The following NIN variants were observed in gnomAD, a reference collection of about 807,000 sequenced individuals.
The protein encoded by NIN is glycogen synthase kinase 3 beta-interacting protein.
A neutral mutation model predicts 257.6 loss-of-function variants in NIN; 137 were observed. The observed-to-expected ratio is 0.53, with a 90% CI of 0.46 to 0.61. The LOEUF (loss-of-function observed/expected upper bound fraction) is 0.61. Ranked by LOEUF, NIN falls within the 20% of genes least tolerant of loss-of-function variation. The pLI is 0.00. For missense variants in NIN, 2,439 were observed against 2,501.2 expected (o/e 0.98, Z 0.53); for synonymous variants, 918 against 919.8 (o/e 1.00, Z 0.04).
chr14:50,798,485 A>G (rs755872615), intron 4 of NIN, among the ~76,000 whole-genome samples: 6 of 152,216 alleles, frequency 3.9e-5, no homozygotes, highest in Admixed American at 1.3e-4. Flanking sequence ...GGATGGTCTA[A>G]GTCCTAATGC....
chr14:50,828,111 A>G (rs1370440490), intron 2 of NIN, among the ~76,000 whole-genome samples: 4 of 152,110 alleles, frequency 2.6e-5, no homozygotes, highest in South Asian at 2.1e-4. Flanking sequence ...ACAAAAAAAA[A>G]AAAAAAGGAG....
At chr14:50,767,030 C>A in intron 12 of NIN, 140 bp from the exon 13 acceptor site, 1 of 610,328 alleles carries the variant, frequency 1.6e-6, no homozygotes, top group Non-Finnish European at 2.9e-6. Context: ...CTACAGGAGG[C>A]AAAAGTAAAT....
At chr14:50,826,508 GT>G (rs1243121589) in intron 2 of NIN, among the ~76,000 whole-genome samples, 2 of 152,194 alleles carry the variant, frequency 1.3e-5, no homozygotes, top group Non-Finnish European at 2.9e-5. Flanking sequence ...TGACAGTGGT[GT>G]TCATTACCCC....
At position 50,772,360 on chromosome 14, in the gene NIN, C is replaced by G. The variant is rs757049044; in HGVS notation, c.922G>C (p.Glu308Gln). The change falls in exon 9 of 31, where the codon GAG becomes CAG. Residue 308 changes from glutamate (E) to glutamine (Q), a missense_variant. Around this residue, in one of 3 missense-constraint regions of NIN, gnomAD observed 387 missense variants for 427.3 expected, o/e 0.91. Coordinates refer to ENST00000530997, the MANE Select transcript of NIN (RefSeq NM_020921.4). ...LDDGMGHASV[E>Q]RILDTWQEEG... is the part of the protein sequence containing the mutation. ...TCCTGCCAGGTGTCCAGTATTCTCT[C>G]CACAGATGCATGGCCCATCCCATCA... 3 of 1,614,038 alleles carry G rather than the reference C, an allele frequency of 1.9e-6. No homozygotes were observed. Among genetic ancestry groups the G allele is most frequent in the Non-Finnish European group, 2.5e-6 (3 of 1,179,920 alleles).
intron 24 of NIN, among the ~76,000 whole-genome samples, chr14:50,742,892 A>G (rs918196024): frequency 3.9e-5 from 6 of 152,200 alleles, no homozygotes; most frequent in Non-Finnish European, 8.8e-5. Context: ...TAATTAATAA[A>G]CTTTGATGGA....
intron 4 of NIN, among the ~76,000 whole-genome samples, chr14:50,797,175 A>G (rs2043876846): frequency 6.6e-6 from 1 of 152,234 alleles, no homozygotes; most frequent in African/African-American, 2.4e-5. Flanking sequence ...TGCCATAGGC[A>G]AAACATTACG....
intron 9 of NIN, 24 bp from the exon 10 acceptor site, chr14:50,771,492 A>G: frequency 6.2e-7 from 1 of 1,611,848 alleles, no homozygotes; most frequent in Non-Finnish European, 8.5e-7. Context: ...CAAGGCGTAA[A>G]TTCAAAAACA....
intron 22 of NIN, among the ~76,000 whole-genome samples, chr14:50,745,090 A>G (rs1239908974): frequency 1.3e-5 from 2 of 152,174 alleles, no homozygotes; most frequent in Non-Finnish European, 2.9e-5. Context: ...GTGCGAACAT[A>G]CTGGCTTTTC....
At chr14:50,755,015 G>A (rs41317320) in intron 18 of NIN, 148 bp from the exon 19 acceptor site, 12 of 505,852 alleles carry the variant, frequency 2.4e-5, no homozygotes, top group Admixed American at 1.4e-4. Flanking sequence ...TTTGGAAATC[G>A]AGTTATGACA....
intron 29 of NIN, among the ~76,000 whole-genome samples, chr14:50,728,817 G>A (rs1329543785): frequency 6.6e-6 from 1 of 152,222 alleles, no homozygotes; most frequent in Non-Finnish European, 1.5e-5. Context: ...GTGGTGGTGA[G>A]CTGGGATCAT....
At chr14:50,746,161 T>C (rs562520026) in intron 22 of NIN, among the ~76,000 whole-genome samples, 19 of 151,882 alleles carry the variant, frequency 1.3e-4, no homozygotes, top group Non-Finnish European at 2.7e-4. Flanking sequence ...ACATTTCCCA[T>C]ACTATGAATT....
At chr14:50,731,486 A>G (rs753133829) in intron 28 of NIN, among the ~76,000 whole-genome samples, 2 of 146,182 alleles carry the variant, frequency 1.4e-5, no homozygotes, top group South Asian at 2.2e-4. Flanking sequence ...AGCCAAGATC[A>G]CACCAATGCA....
chr14:50,751,230 G>C (rs903058112), intron 21 of NIN, among the ~76,000 whole-genome samples: 7 of 152,184 alleles, frequency 4.6e-5, no homozygotes, highest in Admixed American at 4.6e-4. Context: ...GCTGCAGTGA[G>C]TAACCCTCTG....
In NIN at chr14:50,761,510, T is replaced by C. The variant is rs144853576; in HGVS notation, c.1896+280A>G. ...GGCAATGAAACATCAAAGGGCTTTT[T>C]TTGGTTTCACTGAGATGTTTTTAAA... On this transcript the variant is annotated intron_variant, in intron 16 of 30. Transcript: ENST00000530997. Among the ~76,000 whole-genome samples, 27 of 152,296 alleles carry C rather than the reference T, an allele frequency of 1.8e-4. No homozygotes were observed. The East Asian group carries it at 4.4e-3, about 25-fold the overall frequency.
Position 50,754,763 on chromosome 14 carries a change from T to G in NIN, c.4643A>C (p.Asn1548Thr). ...SISNLKLGTL[N>T]GSQEEMWQKT... ...TTACCACATTTCTTCCTGAGATCCA[T>G]TTAATGTCCCTAATTTCAGGTTAGA... is the stretch of plus-strand genomic sequence containing the variant. Residue 1548 changes from asparagine to threonine, a missense_variant, in exon 19 of 31, where the codon AAT becomes ACT. By Grantham distance (65) the Asn-to-Thr change is moderately conservative. Around this residue, in one of 3 missense-constraint regions of NIN, gnomAD observed 2,043 missense variants for 2,050.2 expected, o/e 1.00. Coordinates refer to ENST00000530997, the MANE Select transcript of NIN (RefSeq NM_020921.4). 1 of 1,585,482 alleles carries G rather than the reference T, an allele frequency of 6.3e-7. No homozygotes were observed. Among genetic ancestry groups the G allele is most frequent in the African/African-American group, 1.3e-5 (1 of 74,178 alleles).
At chr14:50,764,865 A>G (rs1330532435) in intron 14 of NIN, among the ~76,000 whole-genome samples, 1 of 151,954 alleles carries the variant, frequency 6.6e-6, no homozygotes, top group Admixed American at 6.6e-5. Flanking sequence ...GGGTGATGAA[A>G]ATGTTCTAAA....
intron 7 of NIN, among the ~76,000 whole-genome samples, chr14:50,773,905 G>C (rs2042824864): frequency 6.6e-6 from 1 of 152,190 alleles, no homozygotes; most frequent in Non-Finnish European, 1.5e-5. Context: ...AAGGTGAATA[G>C]AGCAACGTGG....
At chr14:50,799,987 A>G (rs1419647999) in intron 4 of NIN, among the ~76,000 whole-genome samples, 1 of 147,656 alleles carries the variant, frequency 6.8e-6, no homozygotes, top group African/African-American at 2.5e-5. Context: ...AAAACAAAAA[A>G]CAAACAATAT....
At chr14:50,763,803 A>G (rs375569223) in intron 15 of NIN, 23 bp downstream of exon 15, 4 of 1,610,630 alleles carry the variant, frequency 2.5e-6, no homozygotes, top group Non-Finnish European at 3.4e-6. Flanking sequence ...GGCTTTATCT[A>G]CAGCCTGTCC....
Sources: allele counts gnomAD v4.1 joint callset (sites outside exome capture counted in the v4.1 genomes callset), GRCh38; gene constraint gnomAD v4.1.1; regional missense constraint gnomAD v4.1.1; transcripts MANE v1.5; gene names NCBI Gene and HGNC (gene_info 2026-07-23, HGNC 2026-07-21).